The following PDE11A variants were observed in gnomAD, a reference collection of about 807,000 sequenced individuals.
PDE11A encodes the protein dual 3',5'-cyclic-AMP and -GMP phosphodiesterase 11A.
Under a neutral mutation model 100.5 loss-of-function variants are expected in PDE11A, and 100 were observed. That is an observed-to-expected ratio of 1.00 (90% CI 0.85 to 1.18). The LOEUF (loss-of-function observed/expected upper bound fraction) is 1.18. Among genes scored for constraint, PDE11A ranks in the 50% most tolerant of loss-of-function variants. The probability of loss-of-function intolerance (pLI) is 0.00; values close to 1 mark genes in which losing one functional copy is unlikely to be tolerated. For synonymous variants in PDE11A, 381 were observed against 420.8 expected, an observed-to-expected ratio of 0.91 and a Z score of 1.16; for missense variants, 1,141 against 1,152.6, an observed-to-expected ratio of 0.99 and a Z score of 0.15.
chr2:178,089,908 C>G (rs2087400193), intron 2 of PDE11A, among the ~76,000 whole-genome samples: 1 of 152,182 alleles, frequency 6.6e-6, no homozygotes, highest in Non-Finnish European at 1.5e-5. Context: ...CCTCGAAGCT[C>G]CACGTAGTCC....
intron 15 of PDE11A, among the ~76,000 whole-genome samples, chr2:177,684,071 A>G (rs1168935430): frequency 6.6e-6 from 1 of 152,222 alleles, no homozygotes; most frequent in Admixed American, 6.5e-5. Context: ...GAGATCTAAC[A>G]GTTTGCCCAG....
intron 1 of PDE11A, among the ~76,000 whole-genome samples, chr2:178,050,934 T>C (rs1457468514): frequency 1.3e-5 from 2 of 152,164 alleles, no homozygotes; most frequent in African/African-American, 4.8e-5. Context: ...AAACAATCTT[T>C]AGGATATTAT....
In PDE11A at chr2:177,987,335, C is replaced by A. The variant is rs151157694; in HGVS notation, c.1071+26967G>T. ...GTTTCCTAATCTTCTCTAATATTTG[C>A]TAAATCAAGTATTTTTCCAACCATT... is the stretch of plus-strand genomic sequence containing the variant. On this transcript the variant is annotated intron_variant, in intron 2 of 19. Coordinates refer to ENST00000286063, the MANE Select transcript of PDE11A (RefSeq NM_016953.4). 1.9e-4 allele frequency among the ~76,000 whole-genome samples: 29 copies of A among 152,338 alleles called. No homozygotes were observed. The East Asian group carries it at 5.6e-3, about 29-fold the overall frequency.
intron 10 of PDE11A, 111 bp from the exon 11 acceptor site, chr2:177,728,283 C>T (rs2081632670): frequency 2.4e-6 from 2 of 847,970 alleles, no homozygotes; most frequent in Non-Finnish European, 4.0e-6. Context: ...GCCTGACCTG[C>T]ACTTACACCC....
At chr2:178,052,041 G>A (rs137957682) in intron 1 of PDE11A, among the ~76,000 whole-genome samples, 2 of 150,972 alleles carry the variant, frequency 1.3e-5, no homozygotes, top group South Asian at 2.1e-4. Context: ...ACTCTCCACC[G>A]CAAATCAACA....
At chr2:177,820,008 T>C (rs1217451637) in intron 7 of PDE11A, among the ~76,000 whole-genome samples, 2 of 151,892 alleles carry the variant, frequency 1.3e-5, no homozygotes, top group African/African-American at 4.8e-5. Flanking sequence ...TAAAATTTAT[T>C]GGTTCTTTCA....
At chr2:177,830,184 C>T (rs1222957357) in intron 6 of PDE11A, among the ~76,000 whole-genome samples, 2 of 152,176 alleles carry the variant, frequency 1.3e-5, no homozygotes, top group African/African-American at 2.4e-5. Context: ...AAAAGAACGC[C>T]AAGATCCAAA....
chr2:177,778,907 C>A (rs1040712005), intron 9 of PDE11A, among the ~76,000 whole-genome samples: 1 of 152,062 alleles, frequency 6.6e-6, no homozygotes, highest in Non-Finnish European at 1.5e-5. Context: ...GTTATCATGA[C>A]CTTCAGAATC....
chr2:177,979,861 C>T (rs796548518), intron 2 of PDE11A, among the ~76,000 whole-genome samples: 4 of 150,422 alleles, frequency 2.7e-5, no homozygotes, highest in African/African-American at 9.7e-5. Context: ...CCGCCTGCCT[C>T]AGCCTCTCAA....
chr2:177,842,508 C>A (rs935612352), intron 5 of PDE11A, among the ~76,000 whole-genome samples: 1 of 152,172 alleles, frequency 6.6e-6, no homozygotes, highest in African/African-American at 2.4e-5. Flanking sequence ...AGGCCTTGAC[C>A]AAGTTGCTGA....
At chr2:178,041,403 C>T (rs2086681557) in intron 1 of PDE11A, among the ~76,000 whole-genome samples, 1 of 151,758 alleles carries the variant, frequency 6.6e-6, no homozygotes, top group Admixed American at 6.6e-5. Context: ...ACCACCACGC[C>T]CGGCTAATTT....
intron 19 of PDE11A, among the ~76,000 whole-genome samples, chr2:177,650,602 G>A (rs1361553250): frequency 6.6e-6 from 1 of 152,158 alleles, no homozygotes; most frequent in South Asian, 2.1e-4. Context: ...AAAGCAAGCA[G>A]AACTTGCTAC....
intron 2 of PDE11A, among the ~76,000 whole-genome samples, chr2:177,913,105 ATAT>A (rs2084905039): frequency 6.6e-6 from 1 of 152,190 alleles, no homozygotes; most frequent in Admixed American, 6.6e-5. Flanking sequence ...ATTTTATGAT[ATAT>A]AAAATATACC....
chr2:177,936,681 T>A lies in PDE11A; in HGVS notation c.1072-31494A>T, dbSNP rs186317061. On this transcript the variant is annotated intron_variant, in intron 2 of 19. Coordinates refer to ENST00000286063, the MANE Select transcript of PDE11A (RefSeq NM_016953.4). Reference sequence around the variant, plus strand: ...CACGCCTGTAATCCCAGCACTTTGGTAGGCCGAAGTGTGTGGATCACCTGA... The same window carrying A: ...CACGCCTGTAATCCCAGCACTTTGGAAGGCCGAAGTGTGTGGATCACCTGA... Among the ~76,000 whole-genome samples the A allele has an allele frequency of 2.0e-5, 3 of 152,270 alleles. No homozygotes were observed. In the East Asian group the frequency reaches 5.8e-4, roughly 29 times the overall value.
chr2:177,658,682 G>GGAAATACTA (rs1296568335), intron 19 of PDE11A, among the ~76,000 whole-genome samples: 1 of 149,468 alleles, frequency 6.7e-6, no homozygotes, highest in Non-Finnish European at 1.5e-5. Flanking sequence ...AAGTCATAGA[G>GGAAATACTA]AAACACTTAT....
chr2:177,709,548 C>T (rs139566767), intron 13 of PDE11A, among the ~76,000 whole-genome samples: 1 of 152,142 alleles, frequency 6.6e-6, no homozygotes, highest in Non-Finnish European at 1.5e-5. Flanking sequence ...GAATAAGTGC[C>T]TGGAGATAAG....
At chr2:177,900,812 A>G (rs79461470) in intron 3 of PDE11A, among the ~76,000 whole-genome samples, 2,833 of 152,308 alleles carry the variant, frequency 0.019, 52 homozygotes, top group South Asian at 0.046. Flanking sequence ...TAAGAAATCC[A>G]TGAAATGAGT....
intron 5 of PDE11A, among the ~76,000 whole-genome samples, chr2:177,867,446 T>C (rs1179839354): frequency 1.3e-5 from 2 of 152,122 alleles, no homozygotes; most frequent in Non-Finnish European, 2.9e-5. Context: ...ATGTGCAATA[T>C]GGGCTGGGTG....
chr2:177,848,163 T>C (rs2083635077), intron 5 of PDE11A, among the ~76,000 whole-genome samples: 1 of 152,226 alleles, frequency 6.6e-6, no homozygotes, highest in Non-Finnish European at 1.5e-5. Flanking sequence ...TTTGTCCATG[T>C]TTAATTTCAC....
Sources: gnomAD v4.1 joint callset for allele counts (sites outside exome capture counted in the v4.1 genomes callset) on GRCh38, gnomAD v4.1.1 for gene constraint, MANE v1.5 for transcripts, NCBI Gene and HGNC (gene_info 2026-07-23, HGNC 2026-07-21) for gene names.